Variants in FHIT observed in about 807,000 individuals in gnomAD.
The protein encoded by FHIT is fragile histidine triad diadenosine triphosphatase.
Under a neutral mutation model 17.9 loss-of-function variants are expected in FHIT, and 19 were observed. The observed-to-expected ratio is 1.06, with a 90% CI of 0.74 to 1.56. The LOEUF is 1.56. Among genes scored for constraint, FHIT ranks in the 40% most tolerant of loss-of-function variants. The pLI, the probability that FHIT is intolerant of heterozygous loss-of-function variation, is 0.00. For missense variants in FHIT, 248 were observed against 189.2 expected (o/e 1.31, Z -1.82); for synonymous variants, 81 against 69.7 (o/e 1.16, Z -0.81).
chr3:60,366,838 C>G (rs1038970763), intron 5 of FHIT, among the ~76,000 whole-genome samples: 1 of 152,130 alleles, frequency 6.6e-6, no homozygotes, highest in African/African-American at 2.4e-5. Context: ...TAGACAGCAA[C>G]CCTACCAAAG....
At chr3:60,138,908 T>C (rs1313920384) in intron 5 of FHIT, among the ~76,000 whole-genome samples, 4 of 152,080 alleles carry the variant, frequency 2.6e-5, no homozygotes, top group Admixed American at 6.6e-5. Flanking sequence ...CAACACAGCC[T>C]TTGACTTTAT....
intron 4 of FHIT, among the ~76,000 whole-genome samples, chr3:60,569,755 A>ACACATATATATATATATATATATT (rs1553654910): frequency 1.3e-5 from 1 of 77,344 alleles, no homozygotes; most frequent in Non-Finnish European, 2.3e-5. Flanking sequence ...ATATATATAT[A>ACACATATATATATATATATATATT]TTTTTTTTTT....
At chr3:59,910,545 G>A (rs1297837851) in intron 8 of FHIT, among the ~76,000 whole-genome samples, 2 of 152,106 alleles carry the variant, frequency 1.3e-5, no homozygotes, top group Non-Finnish European at 2.9e-5. Flanking sequence ...CTCAGGTTTT[G>A]TCTCATCTCT....
intron 3 of FHIT, among the ~76,000 whole-genome samples, chr3:61,002,195 A>G (rs1575821180): frequency 6.6e-6 from 1 of 152,216 alleles, no homozygotes; most frequent in Non-Finnish European, 1.5e-5. Context: ...TTTATTTACT[A>G]TAGTCACAAT....
intron 3 of FHIT, among the ~76,000 whole-genome samples, chr3:60,829,809 A>G (rs1702257194): frequency 6.6e-6 from 1 of 152,184 alleles, no homozygotes. Flanking sequence ...TCTTTAGCAT[A>G]AGGATTATTT....
At chr3:59,896,723 T>C (rs142721117) in intron 8 of FHIT, among the ~76,000 whole-genome samples, 1 of 152,208 alleles carries the variant, frequency 6.6e-6, no homozygotes, top group African/African-American at 2.4e-5. Context: ...CAGCATGGCA[T>C]GAAAATAAAT....
At chr3:60,927,042 C>T (rs1166510080) in intron 3 of FHIT, among the ~76,000 whole-genome samples, 1 of 152,170 alleles carries the variant, frequency 6.6e-6, no homozygotes, top group African/African-American at 2.4e-5. Context: ...CCACGGTCTC[C>T]CTCTGTTGCC....
intron 2 of FHIT, among the ~76,000 whole-genome samples, chr3:61,156,604 A>G (rs2037540970): frequency 6.6e-6 from 1 of 152,156 alleles, no homozygotes; most frequent in Admixed American, 6.5e-5. Context: ...ATTCAAGAAA[A>G]TACCATACCC....
chr3:60,440,460 G>C (rs1178163997), intron 5 of FHIT, among the ~76,000 whole-genome samples: 8 of 152,010 alleles, frequency 5.3e-5, no homozygotes, highest in Non-Finnish European at 8.8e-5. Context: ...AATAATAAGA[G>C]AGGCCACCAA....
intron 5 of FHIT, among the ~76,000 whole-genome samples, chr3:60,218,875 A>G (rs1363705915): frequency 6.6e-6 from 1 of 152,062 alleles, no homozygotes; most frequent in Non-Finnish European, 1.5e-5. Flanking sequence ...ATACATACAT[A>G]CATACATATA....
intron 3 of FHIT, among the ~76,000 whole-genome samples, chr3:60,849,265 G>A (rs963809240): frequency 6.6e-6 from 1 of 151,616 alleles, no homozygotes; most frequent in Non-Finnish European, 1.5e-5. Context: ...ATTTGACAAG[G>A]AATACTATTT....
chr3:60,904,396 A>T (rs1489870360), intron 3 of FHIT, among the ~76,000 whole-genome samples: 1 of 152,144 alleles, frequency 6.6e-6, no homozygotes, highest in Non-Finnish European at 1.5e-5. Context: ...ACAAAACAAT[A>T]CAAGTATTAG....
intron 8 of FHIT, among the ~76,000 whole-genome samples, chr3:59,838,217 G>C (rs1205559105): frequency 6.6e-6 from 1 of 152,018 alleles, no homozygotes; most frequent in Non-Finnish European, 1.5e-5. Flanking sequence ...CCTGACCCCA[G>C]TCCCACTCTC....
intron 8 of FHIT, among the ~76,000 whole-genome samples, chr3:59,897,965 C>T (rs1396379727): frequency 3.3e-5 from 5 of 151,958 alleles, no homozygotes; most frequent in South Asian, 2.1e-4. Flanking sequence ...GACGGGGTTT[C>T]GCCGTGTTAG....
intron 5 of FHIT, among the ~76,000 whole-genome samples, chr3:60,150,348 T>A (rs558403312): frequency 6.6e-6 from 1 of 152,222 alleles, no homozygotes; most frequent in Admixed American, 6.5e-5. Context: ...TAATTTCTCC[T>A]TGGGTATAAA....
At chr3:60,343,609 G>T (rs1710632010) in intron 5 of FHIT, among the ~76,000 whole-genome samples, 1 of 152,096 alleles carries the variant, frequency 6.6e-6, no homozygotes, top group Non-Finnish European at 1.5e-5. Context: ...TTGCCATCAT[G>T]CCCTTTGAAA....
chr3:60,766,191 C>T (rs1019292225), intron 4 of FHIT, among the ~76,000 whole-genome samples: 2 of 152,158 alleles, frequency 1.3e-5, no homozygotes, highest in Non-Finnish European at 2.9e-5. Context: ...GACTAATATA[C>T]TTGGACACAT....
At chr3:60,917,740 T>C (rs1354802740) in intron 3 of FHIT, among the ~76,000 whole-genome samples, 1 of 152,244 alleles carries the variant, frequency 6.6e-6, no homozygotes, top group Non-Finnish European at 1.5e-5. Flanking sequence ...CCCAAAACTC[T>C]TTATCAAATG....
At chr3:60,347,213 G>A (rs1186456283) in intron 5 of FHIT, among the ~76,000 whole-genome samples, 1 of 152,024 alleles carries the variant, frequency 6.6e-6, no homozygotes, top group African/African-American at 2.4e-5. Flanking sequence ...TATTACATTT[G>A]CATTGTCTAC....
Sources: allele counts gnomAD v4.1 joint callset (sites outside exome capture counted in the v4.1 genomes callset), GRCh38; gene constraint gnomAD v4.1.1; transcripts MANE v1.5; gene names NCBI Gene and HGNC (gene_info 2026-07-23, HGNC 2026-07-21).